Variants in IFT74 observed in about 807,000 individuals in gnomAD.
IFT74 encodes the protein intraflagellar transport 74.
IFT74 carries 92 observed loss-of-function variants against 96.7 expected under a neutral mutation model. The observed-to-expected ratio is 0.95, with a 90% CI of 0.80 to 1.13. The LOEUF (loss-of-function observed/expected upper bound fraction) is 1.13, where lower values mean the gene tolerates loss of function less well. Among genes scored for constraint, IFT74 ranks in the 50% most tolerant of loss-of-function variants. The pLI, the probability that IFT74 is intolerant of heterozygous loss-of-function variation, is 0.00. For missense variants in IFT74, 811 were observed against 698.2 expected (o/e 1.16, Z -1.82); for synonymous variants, 223 against 213.2 (o/e 1.05, Z -0.40).
intron 2 of IFT74, among the ~76,000 whole-genome samples, chr9:26,967,748 T>C (rs1181985951): frequency 1.3e-5 from 2 of 152,214 alleles, no homozygotes; most frequent in Non-Finnish European, 2.9e-5. Context: ...ATAGCTTTTA[T>C]TGTATTTAGA....
intron 8 of IFT74, among the ~76,000 whole-genome samples, chr9:27,004,096 A>T (rs1828650653): frequency 1.3e-5 from 2 of 152,196 alleles, no homozygotes; most frequent in African/African-American, 4.8e-5. Flanking sequence ...AATGAACTAG[A>T]TTTAAGTTAA....
intron 7 of IFT74, among the ~76,000 whole-genome samples, chr9:26,989,838 A>C (rs1181537536): frequency 6.6e-6 from 1 of 152,156 alleles, no homozygotes; most frequent in Admixed American, 6.5e-5. Context: ...TGAACACTCA[A>C]TATATTCTTT....
intron 13 of IFT74, among the ~76,000 whole-genome samples, chr9:27,030,725 C>G (rs1830081542): frequency 6.6e-6 from 1 of 152,142 alleles, no homozygotes; most frequent in Admixed American, 6.5e-5. Flanking sequence ...TGTCATGCTA[C>G]TTTCCAAAAA....
At chr9:27,007,665 CTAG>C (rs1334647184) in intron 8 of IFT74, among the ~76,000 whole-genome samples, 7 of 151,882 alleles carry the variant, frequency 4.6e-5, no homozygotes, top group African/African-American at 1.7e-4. Flanking sequence ...GTTGTTTATT[CTAG>C]TAGTAGGATA....
At chr9:27,054,200 T>C (rs1046630221) in intron 16 of IFT74, among the ~76,000 whole-genome samples, 5 of 152,246 alleles carry the variant, frequency 3.3e-5, no homozygotes, top group Non-Finnish European at 7.3e-5. Context: ...TCATTTACTA[T>C]TCAGTATGCT....
In IFT74 at chr9:27,048,193, C is replaced by A. The variant is rs1284840692; in HGVS notation, c.1252C>A (p.Leu418Ile). The A allele has an allele frequency of 1.3e-6, 2 of 1,599,648 alleles. No individual in the cohort carries two copies. Among genetic ancestry groups the A allele is most frequent in the South Asian group, 2.2e-5 (2 of 90,278 alleles). ...EQISSITNQELKMMQDDLNFK... is the reference protein window; with the variant it reads ...EQISSITNQEIKMMQDDLNFK... ...GATATCCTCTATCACCAATCAAGAG[C>A]TAAAGATGATGCAGGATGACCTCAA... Residue 418 changes from leucine (L) to isoleucine (I), a missense_variant, in exon 16 of 20, where the codon CTA (leucine) becomes ATA (isoleucine). Leu to Ile is a conservative substitution (Grantham distance 5). Transcript: ENST00000380062.
chr9:26,977,193 G>A (rs1237667351), intron 2 of IFT74, among the ~76,000 whole-genome samples: 1 of 151,702 alleles, frequency 6.6e-6, no homozygotes, highest in Admixed American at 6.6e-5. Context: ...CTCCAGGCTG[G>A]CCTCGAACTC....
intron 9 of IFT74, among the ~76,000 whole-genome samples, chr9:27,011,644 AG>A (rs1392919083): frequency 4.2e-5 from 6 of 141,734 alleles, no homozygotes; most frequent in South Asian, 2.2e-4. Flanking sequence ...AAACTCATGA[AG>A]TTTTTTTTTT....
In IFT74 at chr9:27,065,069, G is replaced by T. The variant is rs1820568224; in HGVS notation, c.*2333G>T. Among the ~76,000 whole-genome samples the T allele has an allele frequency of 6.6e-6, 1 of 152,052 alleles. No individual in the cohort carries two copies. Among genetic ancestry groups the T allele is most frequent in the Admixed American group, 6.5e-5 (1 of 15,268 alleles). On this transcript the variant is annotated 3_prime_UTR_variant, in exon 20 of 20. Transcript: ENST00000380062. ...GCAGAAAGAAAGTAGGAGGAAGATT[G>T]GCCTGTCCATTAAATATATGTGTTT...
intron 2 of IFT74, among the ~76,000 whole-genome samples, chr9:26,973,087 TCTCA>T (rs1826948430): frequency 6.6e-6 from 1 of 152,182 alleles, no homozygotes; most frequent in East Asian, 1.9e-4. Flanking sequence ...ATGGGGATCT[TCTCA>T]CTCAAAGACA....
chr9:27,036,107 TTTA>T (rs1484291197), intron 13 of IFT74, among the ~76,000 whole-genome samples: 1 of 152,236 alleles, frequency 6.6e-6, no homozygotes. Context: ...TATAAAGATT[TTTA>T]TTATTTTCCA....
chr9:27,055,193 T>C (rs893191644), intron 16 of IFT74, among the ~76,000 whole-genome samples: 2 of 152,120 alleles, frequency 1.3e-5, no homozygotes, highest in Non-Finnish European at 2.9e-5. Flanking sequence ...ATAGTAAGAG[T>C]TGATTATGTG....
chr9:27,021,303 A>G (rs1829590673), intron 12 of IFT74, among the ~76,000 whole-genome samples: 1 of 152,044 alleles, frequency 6.6e-6, no homozygotes, highest in Non-Finnish European at 1.5e-5. Context: ...TGCGTGTGCA[A>G]GTGTCTTTTC....
chr9:26,973,389 C>A (rs767884918), intron 2 of IFT74, among the ~76,000 whole-genome samples: 6 of 152,136 alleles, frequency 3.9e-5, no homozygotes, highest in Non-Finnish European at 7.3e-5. Context: ...TTAACCCTAT[C>A]CTGCCTTCGA....
intron 3 of IFT74, among the ~76,000 whole-genome samples, chr9:26,979,260 A>G (rs1587275990): frequency 6.6e-6 from 1 of 152,104 alleles, no homozygotes; most frequent in African/African-American, 2.4e-5. Flanking sequence ...AATGATTATC[A>G]GTACCATGAA....
chr9:27,052,980 C>T (rs1819999298), intron 16 of IFT74, among the ~76,000 whole-genome samples: 1 of 152,036 alleles, frequency 6.6e-6, no homozygotes, highest in Non-Finnish European at 1.5e-5. Context: ...TCTCCTGCCT[C>T]AGCCTCCCGA....
At chr9:27,007,107 G>A (rs1487285163) in intron 8 of IFT74, among the ~76,000 whole-genome samples, 2 of 151,972 alleles carry the variant, frequency 1.3e-5, no homozygotes, top group African/African-American at 4.8e-5. Flanking sequence ...AAAGTGCTGG[G>A]ATTACAGGCA....
At chr9:26,982,627 G>C (rs987978140) in intron 4 of IFT74, among the ~76,000 whole-genome samples, 2 of 151,820 alleles carry the variant, frequency 1.3e-5, no homozygotes, top group African/African-American at 2.4e-5. Flanking sequence ...AGCTAATTTT[G>C]TATTTTTAGT....
chr9:26,956,199 A>G (rs1229842342), upstream of IFT74: 1 of 152,206 alleles, frequency 6.6e-6, no homozygotes. Context: ...TATCAAGAAA[A>G]CCAAACGTTC....
Sources: allele counts gnomAD v4.1 joint callset (sites outside exome capture counted in the v4.1 genomes callset), GRCh38; gene constraint gnomAD v4.1.1; transcripts MANE v1.5; gene names NCBI Gene and HGNC (gene_info 2026-07-23, HGNC 2026-07-21).